The following NRXN1 variants were observed in gnomAD, a reference collection of about 807,000 sequenced individuals.
NRXN1 encodes the protein neurexin-1.
A neutral mutation model predicts 150.9 loss-of-function variants in NRXN1; 39 were observed. The ratio of observed to expected loss-of-function variants is 0.26; its 90% CI spans 0.20 to 0.34. The LOEUF (loss-of-function observed/expected upper bound fraction) is 0.34, where lower values mean the gene tolerates loss of function less well. NRXN1 is among the 10% of genes least tolerant of loss of function. The probability of loss-of-function intolerance (pLI) is 1.00; values close to 1 mark genes in which losing one functional copy is unlikely to be tolerated. For missense variants in NRXN1, 1,815 were observed against 1,949.9 expected, an observed-to-expected ratio of 0.93 and a Z score of 1.30; for synonymous variants, 924 against 757.0, an observed-to-expected ratio of 1.22 and a Z score of -3.62.
intron 5 of NRXN1, among the ~76,000 whole-genome samples, chr2:50,889,137 T>C (rs1680686331): frequency 6.6e-5 from 10 of 151,660 alleles, no homozygotes; most frequent in Admixed American, 5.9e-4. Flanking sequence ...AACATGGAGA[T>C]TGGCAAAGAA....
intron 17 of NRXN1, among the ~76,000 whole-genome samples, chr2:50,404,358 C>A (rs1433257509): frequency 4.6e-5 from 7 of 152,118 alleles, no homozygotes; most frequent in Non-Finnish European, 8.8e-5. Context: ...TCATCTGATT[C>A]AACCAGTGCA....
At chr2:50,093,175 G>A (rs1312806621) in intron 18 of NRXN1, among the ~76,000 whole-genome samples, 1 of 152,042 alleles carries the variant, frequency 6.6e-6, no homozygotes, top group African/African-American at 2.4e-5. Flanking sequence ...ATTTTCATTG[G>A]ACTTTTGCTG....
At chr2:50,988,496 C>G (rs1395169373) in intron 2 of NRXN1, among the ~76,000 whole-genome samples, 4 of 151,828 alleles carry the variant, frequency 2.6e-5, no homozygotes, top group African/African-American at 9.7e-5. Context: ...AAGGTTCTAA[C>G]CAAGGAGACA....
intron 21 of NRXN1, among the ~76,000 whole-genome samples, chr2:50,035,285 A>G (rs939999707): frequency 6.6e-6 from 1 of 152,114 alleles, no homozygotes; most frequent in African/African-American, 2.4e-5. Context: ...GAATTAAACT[A>G]TCATGTTTTC....
At chr2:50,994,733 C>T (rs1699018648) in intron 2 of NRXN1, among the ~76,000 whole-genome samples, 3 of 151,960 alleles carry the variant, frequency 2.0e-5, no homozygotes, top group African/African-American at 4.8e-5. Flanking sequence ...ATGTAGTACA[C>T]ACATCTGAGT....
intron 5 of NRXN1, among the ~76,000 whole-genome samples, chr2:50,908,792 C>A (rs1469642069): frequency 6.6e-6 from 1 of 151,844 alleles, no homozygotes; most frequent in East Asian, 2.0e-4. Context: ...CAGTATGGAG[C>A]CCCCTTCATG....
At chr2:50,127,817 T>C (rs1297654122) in intron 18 of NRXN1, among the ~76,000 whole-genome samples, 4 of 152,126 alleles carry the variant, frequency 2.6e-5, no homozygotes, top group African/African-American at 9.7e-5. Context: ...TTCTTTCAGG[T>C]ACAATAAAGG....
At chr2:50,223,186 A>C (rs1342969560) in intron 18 of NRXN1, among the ~76,000 whole-genome samples, 1 of 151,930 alleles carries the variant, frequency 6.6e-6, no homozygotes, top group Non-Finnish European at 1.5e-5. Flanking sequence ...CCAAAAAATT[A>C]GTAAGTTAAA....
chr2:50,280,524 C>T (rs930298242), intron 17 of NRXN1, among the ~76,000 whole-genome samples: 1 of 152,070 alleles, frequency 6.6e-6, no homozygotes, highest in African/African-American at 2.4e-5. Flanking sequence ...AGCTCTGTCA[C>T]TTGTTGGCCA....
chr2:50,572,602 C>A (rs150562940), intron 8 of NRXN1, among the ~76,000 whole-genome samples: 3,971 of 152,206 alleles, frequency 0.026, 77 homozygotes, highest in Middle Eastern at 0.11. Context: ...TTTCTATCCC[C>A]ATTTTCAGAT....
intron 5 of NRXN1, among the ~76,000 whole-genome samples, chr2:50,897,363 C>T (rs1682153461): frequency 6.6e-6 from 1 of 152,168 alleles, no homozygotes; most frequent in Non-Finnish European, 1.5e-5. Context: ...CAATGAGTAT[C>T]AGTGATACCA....
At chr2:50,562,360 T>C (rs1196186907) in intron 8 of NRXN1, among the ~76,000 whole-genome samples, 1 of 152,024 alleles carries the variant, frequency 6.6e-6, no homozygotes, top group Non-Finnish European at 1.5e-5. Flanking sequence ...GATAGATAGA[T>C]AGATGATTTC....
chr2:50,070,442 C>T (rs1696076100), intron 19 of NRXN1, among the ~76,000 whole-genome samples: 1 of 152,006 alleles, frequency 6.6e-6, no homozygotes, highest in Non-Finnish European at 1.5e-5. Context: ...CATGAGAGTT[C>T]CTTTCCAATC....
intron 15 of NRXN1, among the ~76,000 whole-genome samples, chr2:50,475,335 G>A (rs28537655): frequency 0.063 from 9,578 of 152,046 alleles, 1,019 homozygotes; most frequent in African/African-American, 0.22. Flanking sequence ...CTCTAAGCAC[G>A]GTTGGCCCTC....
intron 8 of NRXN1, among the ~76,000 whole-genome samples, chr2:50,590,518 A>AT (rs1156627644): frequency 6.6e-6 from 1 of 152,140 alleles, no homozygotes; most frequent in East Asian, 1.9e-4. Context: ...GACAACTAAC[A>AT]TTAACTCACT....
intron 2 of NRXN1, among the ~76,000 whole-genome samples, chr2:51,018,907 A>G (rs1164844725): frequency 6.6e-6 from 1 of 152,120 alleles, no homozygotes; most frequent in Non-Finnish European, 1.5e-5. Context: ...ATCAAGTAGA[A>G]TATGAAAAGA....
At chr2:50,696,760 G>A (rs991890989) in intron 5 of NRXN1, among the ~76,000 whole-genome samples, 1 of 152,232 alleles carries the variant, frequency 6.6e-6, no homozygotes, top group Non-Finnish European at 1.5e-5. Flanking sequence ...ATATTTATTT[G>A]ATTTAAATGG....
chr2:50,660,378 G>GTT lies in NRXN1; in HGVS notation c.833-36764_833-36763insAA, dbSNP rs1241938026. On this transcript the variant is annotated intron_variant, in intron 5 of 22. Transcript: ENST00000401669. ...TTGCCTGCCTTCACCCAAAAGTATT[G>GTT]TAACTAGAAGGAACATTAATTACTC... Among the ~76,000 whole-genome samples, 5 of 152,072 alleles carry GTT rather than the reference G, an allele frequency of 3.3e-5. 1 individual carries two copies. The highest frequency in any genetic ancestry group is 2.0e-4 in the Admixed American group (3 of 15,260).
chr2:50,756,628 A>G (rs988530896), intron 5 of NRXN1, among the ~76,000 whole-genome samples: 4 of 151,826 alleles, frequency 2.6e-5, no homozygotes, highest in African/African-American at 9.7e-5. Flanking sequence ...TTTAGAAACA[A>G]CCTAAATATC....
Sources: gnomAD v4.1 joint callset for allele counts (sites outside exome capture counted in the v4.1 genomes callset) on GRCh38, gnomAD v4.1.1 for gene constraint, MANE v1.5 for transcripts, NCBI Gene and HGNC (gene_info 2026-07-23, HGNC 2026-07-21) for gene names.